NEGR1: variants seen among roughly 807,000 people sequenced by gnomAD.
NEGR1 encodes IgLON family member 4.
In NEGR1, 10 loss-of-function variants were observed where a neutral mutation model predicts 40.9. That is an observed-to-expected ratio of 0.24 (90% CI 0.15 to 0.42). The LOEUF (loss-of-function observed/expected upper bound fraction) is 0.42. Ranked by LOEUF, NEGR1 falls within the 10% of genes least tolerant of loss-of-function variation. The pLI, the probability that NEGR1 is intolerant of heterozygous loss-of-function variation, is 1.00. For synonymous variants in NEGR1, 185 were observed against 166.8 expected (o/e 1.11, Z -0.84); for missense variants, 352 against 438.9 (o/e 0.80, Z 1.77).
At chr1:71,497,771 GAACA>G (rs1646974790) in intron 6 of NEGR1, among the ~76,000 whole-genome samples, 1 of 152,042 alleles carries the variant, frequency 6.6e-6, no homozygotes, top group Non-Finnish European at 1.5e-5. Context: ...ATGAGATATA[GAACA>G]AACAATTATT....
intron 3 of NEGR1, among the ~76,000 whole-genome samples, chr1:71,742,473 A>G (rs1655246635): frequency 6.6e-6 from 1 of 152,196 alleles, no homozygotes; most frequent in Non-Finnish European, 1.5e-5. Flanking sequence ...TCTGGAAAAC[A>G]AATCATTGAG....
chr1:72,208,639 C>A lies in NEGR1; in HGVS notation c.176+73680G>T, dbSNP rs374329058. Among the ~76,000 whole-genome samples, 6 of 151,628 alleles carry A rather than the reference C, an allele frequency of 4.0e-5. No homozygotes were observed. In the East Asian group the frequency reaches 1.2e-3, roughly 29 times the overall value. ...AAAGCACACCTATAAAAACAAGGCT[C>A]ACGTTAGCACTGAGGAAACATTTTT... On this transcript the variant is annotated intron_variant, in intron 1 of 6. Coordinates refer to ENST00000357731, the MANE Select transcript of NEGR1 (RefSeq NM_173808.3).
At chr1:71,916,904 G>C (rs1001224095) in intron 2 of NEGR1, among the ~76,000 whole-genome samples, 2 of 152,136 alleles carry the variant, frequency 1.3e-5, no homozygotes, top group Non-Finnish European at 2.9e-5. Flanking sequence ...TCTGAGCTTA[G>C]CAAAAGAGGT....
chr1:71,826,719 T>C (rs1658638892), intron 2 of NEGR1, among the ~76,000 whole-genome samples: 1 of 151,924 alleles, frequency 6.6e-6, no homozygotes, highest in South Asian at 2.1e-4. Context: ...AAATACACAT[T>C]CCAAGAAAAA....
At chr1:71,644,933 AT>A (rs1011844459) in intron 4 of NEGR1, among the ~76,000 whole-genome samples, 1 of 151,798 alleles carries the variant, frequency 6.6e-6, no homozygotes, top group South Asian at 2.1e-4. Flanking sequence ...GGAAAGGACT[AT>A]TTTTTCCCCT....
intron 1 of NEGR1, among the ~76,000 whole-genome samples, chr1:71,957,453 A>G (rs1436144715): frequency 1.3e-5 from 2 of 152,158 alleles, no homozygotes; most frequent in African/African-American, 4.8e-5. Context: ...ATTGATATAT[A>G]CTTGGTATTT....
At chr1:71,930,134 C>A (rs973829265) in intron 2 of NEGR1, among the ~76,000 whole-genome samples, 1 of 151,872 alleles carries the variant, frequency 6.6e-6, no homozygotes, top group Non-Finnish European at 1.5e-5. Context: ...GGAATGGCAT[C>A]TTATTGAATT....
chr1:71,783,781 G>T (rs1297084408), intron 2 of NEGR1, among the ~76,000 whole-genome samples: 1 of 151,948 alleles, frequency 6.6e-6, no homozygotes, highest in African/African-American at 2.4e-5. Flanking sequence ...CCTTCGTGGG[G>T]TCACCTATAA....
At chr1:72,074,774 T>G in intron 1 of NEGR1, among the ~76,000 whole-genome samples, 1 of 152,202 alleles carries the variant, frequency 6.6e-6, no homozygotes. Flanking sequence ...AGTATTGAAT[T>G]TGCAAAACAT....
At chr1:71,991,807 T>C (rs11580311) in intron 1 of NEGR1, among the ~76,000 whole-genome samples, 34,642 of 152,022 alleles carry the variant, frequency 0.23, 4,395 homozygotes, top group East Asian at 0.52. Flanking sequence ...TGTTTGTTTG[T>C]TTGAGACAGA....
chr1:71,859,318 G>T (rs934151843), intron 2 of NEGR1, among the ~76,000 whole-genome samples: 1 of 151,946 alleles, frequency 6.6e-6, no homozygotes, highest in Non-Finnish European at 1.5e-5. Flanking sequence ...TTCCTTAAAC[G>T]CTGCATGGCT....
chr1:71,842,391 A>G (rs17091814), intron 2 of NEGR1, among the ~76,000 whole-genome samples: 18 of 152,086 alleles, frequency 1.2e-4, no homozygotes, highest in Non-Finnish European at 2.1e-4. Context: ...CTATCTTTCA[A>G]TGTCTGTTTC....
chr1:71,942,450 TAAATCTATATATATATATATATATATATA>T (rs1645967928), intron 1 of NEGR1, among the ~76,000 whole-genome samples: 2 of 61,050 alleles, frequency 3.3e-5, no homozygotes, highest in African/African-American at 1.0e-4. Flanking sequence ...TAAAATTCTT[TAAATCTATATATATATATATATATATATA>T]TATATTTTTT....
At chr1:72,107,202 T>G (rs1457158895) in intron 1 of NEGR1, among the ~76,000 whole-genome samples, 2 of 151,754 alleles carry the variant, frequency 1.3e-5, no homozygotes, top group African/African-American at 4.8e-5. Flanking sequence ...TATTATAAAT[T>G]TCATTATGTA....
chr1:71,502,839 T>C (rs1647008100), intron 6 of NEGR1, among the ~76,000 whole-genome samples: 1 of 152,112 alleles, frequency 6.6e-6, no homozygotes, highest in Non-Finnish European at 1.5e-5. Flanking sequence ...ATCCTAGATA[T>C]GAAACAAGTG....
At chr1:71,789,171 C>T (rs1657021866) in intron 2 of NEGR1, among the ~76,000 whole-genome samples, 1 of 152,094 alleles carries the variant, frequency 6.6e-6, no homozygotes, top group Non-Finnish European at 1.5e-5. Flanking sequence ...ACTCTGTATT[C>T]ATCCCTGTGG....
At chr1:71,879,971 A>G (rs1328248911) in intron 2 of NEGR1, among the ~76,000 whole-genome samples, 3 of 152,160 alleles carry the variant, frequency 2.0e-5, no homozygotes, top group Non-Finnish European at 4.4e-5. Context: ...GTTCTATAGT[A>G]AGACATATCT....
At chr1:71,868,696 A>G (rs1405657041) in intron 2 of NEGR1, among the ~76,000 whole-genome samples, 1 of 152,086 alleles carries the variant, frequency 6.6e-6, no homozygotes, top group East Asian at 1.9e-4. Context: ...CTTCTAGTGT[A>G]TTGAAAGCTA....
chr1:71,491,939 T>G (rs1214471208), intron 6 of NEGR1, among the ~76,000 whole-genome samples: 2 of 152,006 alleles, frequency 1.3e-5, no homozygotes, highest in Non-Finnish European at 2.9e-5. Context: ...CTTTAGGAGG[T>G]GATTAGGTCA....
Sources: gnomAD v4.1 joint callset for allele counts (sites outside exome capture counted in the v4.1 genomes callset) on GRCh38, gnomAD v4.1.1 for gene constraint, MANE v1.5 for transcripts, NCBI Gene and HGNC (gene_info 2026-07-23, HGNC 2026-07-21) for gene names.